The following DMD variants were observed in gnomAD, a reference collection of about 807,000 sequenced individuals.
DMD encodes mutant dystrophin.
Under a neutral mutation model 330.1 loss-of-function variants are expected in DMD, and 63 were observed. The observed-to-expected ratio is 0.19, with a 90% confidence interval of 0.16 to 0.24. The LOEUF (loss-of-function observed/expected upper bound fraction) is 0.24. DMD is among the 10% of genes least tolerant of loss of function. The pLI is 1.00. For synonymous variants in DMD, 1,223 were observed against 959.8 expected (o/e 1.27, Z -5.07); for missense variants, 3,344 against 2,684.1 (o/e 1.25, Z -5.43).
intron 1 of DMD, among the ~76,000 whole-genome samples, chrX:33,108,686 G>T (rs1230114838): frequency 2.0e-5 from 2 of 101,838 alleles, no homozygotes; most frequent in South Asian, 1.1e-3. Flanking sequence ...GACCAGCCTG[G>T]CCAACATGGT....
chrX:32,794,036 G>A (rs1371324166), intron 7 of DMD, among the ~76,000 whole-genome samples: 1 of 111,396 alleles, frequency 9.0e-6, no homozygotes, highest in Non-Finnish European at 1.9e-5. Context: ...ATATTATCAA[G>A]TGGAATTTAT....
intron 59 of DMD, among the ~76,000 whole-genome samples, chrX:31,451,407 T>C (rs1309777899): frequency 9.4e-6 from 1 of 106,873 alleles, no homozygotes; most frequent in African/African-American, 3.4e-5. Flanking sequence ...CTCAGCCTCC[T>C]GAGTAGCTGG....
intron 60 of DMD, among the ~76,000 whole-genome samples, chrX:31,420,533 T>C (rs988286741): frequency 2.7e-5 from 3 of 112,556 alleles, no homozygotes; most frequent in Non-Finnish European, 5.6e-5. Context: ...TTTTTTTTAA[T>C]CACCCTTATA....
At chrX:31,957,128 C>T (rs986414186) in intron 45 of DMD, among the ~76,000 whole-genome samples, 3 of 111,357 alleles carry the variant, frequency 2.7e-5, no homozygotes, top group Non-Finnish European at 5.7e-5. Context: ...TCCAAGAGTT[C>T]GAGATCCAAT....
rs193089158 is a variant in DMD, at chrX:32,707,147, C to A, written c.650-7854G>T. ...ATATGAGACACAGAAAAATATACTC[C>A]ACAAACGTTTATTGAGTTACTTTGT... On this transcript the variant is annotated intron_variant, in intron 7 of 78. Coordinates refer to ENST00000357033, the MANE Select transcript of DMD (RefSeq NM_004006.3). 6.4e-3 allele frequency among the ~76,000 whole-genome samples: 713 copies of A among 111,535 alleles called. 10 individuals carry two copies. The highest frequency in any genetic ancestry group is 0.022 in the African/African-American group (664 of 30,709).
At chrX:31,574,625 G>A (rs1485132638) in intron 55 of DMD, among the ~76,000 whole-genome samples, 1 of 111,432 alleles carries the variant, frequency 9.0e-6, no homozygotes, top group African/African-American at 3.3e-5. Flanking sequence ...CACCACCAAA[G>A]TGAAATGCAC....
intron 55 of DMD, among the ~76,000 whole-genome samples, chrX:31,511,329 TTTATTTA>T (rs1230022976): frequency 2.1e-4 from 19 of 89,232 alleles, no homozygotes; most frequent in African/African-American, 4.6e-4. Flanking sequence ...TATTTATTTA[TTTATTTA>T]TTATTATTAT....
intron 2 of DMD, among the ~76,000 whole-genome samples, chrX:33,009,216 A>G (rs2093515448): frequency 1.9e-5 from 1 of 52,705 alleles, no homozygotes; most frequent in Non-Finnish European, 3.6e-5. Flanking sequence ...ATATACACAT[A>G]TGTGCATATA....
intron 67 of DMD, among the ~76,000 whole-genome samples, chrX:31,191,387 A>G (rs1358690145): frequency 9.0e-6 from 1 of 111,710 alleles, no homozygotes; most frequent in Non-Finnish European, 1.9e-5. Context: ...AAAAAGGGTA[A>G]TCTCTCCTTT....
intron 5 of DMD, among the ~76,000 whole-genome samples, chrX:32,818,986 C>A (rs1437323233): frequency 9.6e-6 from 1 of 104,552 alleles, no homozygotes; most frequent in African/African-American, 3.5e-5. Flanking sequence ...ACTCCTGTCA[C>A]CTCTGCCCTT....
In DMD at chrX:32,650,485, G is replaced by A. The variant is rs1002127741; in HGVS notation, c.961-5333C>T. Among the ~76,000 whole-genome samples, 4 of 111,417 alleles carry A rather than the reference G, an allele frequency of 3.6e-5. No homozygotes were observed. The East Asian group carries it at 8.5e-4, about 24-fold the overall frequency. Reference sequence around the variant, plus strand: ...AAGGATTACAGAGGGATAACCAAGCGGTTCTTTCACTAAATAACAGAAGAG... The same window carrying A: ...AAGGATTACAGAGGGATAACCAAGCAGTTCTTTCACTAAATAACAGAAGAG... On this transcript the variant is annotated intron_variant, in intron 9 of 78. Coordinates refer to ENST00000357033, the MANE Select transcript of DMD (RefSeq NM_004006.3).
At chrX:32,552,674 C>T (rs2049713118) in intron 16 of DMD, among the ~76,000 whole-genome samples, 2 of 112,152 alleles carry the variant, frequency 1.8e-5, no homozygotes, top group African/African-American at 6.5e-5. Flanking sequence ...AACTTTCCAT[C>T]TGACAAGGGT....
At chrX:32,434,933 T>C (rs1470761715) in intron 29 of DMD, among the ~76,000 whole-genome samples, 1 of 111,017 alleles carries the variant, frequency 9.0e-6, no homozygotes, top group Non-Finnish European at 1.9e-5. Flanking sequence ...ATTTTCATTG[T>C]CAAATAACTC....
intron 1 of DMD, among the ~76,000 whole-genome samples, chrX:33,276,871 G>A (rs113513985): frequency 0.011 from 1,226 of 111,721 alleles, 20 homozygotes; most frequent in African/African-American, 0.038. Context: ...ACCCTTCACG[G>A]AGGCTCACTC....
chrX:31,616,003 A>C (rs2078178769), intron 55 of DMD, among the ~76,000 whole-genome samples: 1 of 111,806 alleles, frequency 8.9e-6, no homozygotes, highest in Non-Finnish European at 1.9e-5. Flanking sequence ...CCCTCACAAC[A>C]ACCTGAAGAG....
At chrX:31,928,964 G>T (rs1324570404) in intron 47 of DMD, among the ~76,000 whole-genome samples, 1 of 111,711 alleles carries the variant, frequency 9.0e-6, no homozygotes, top group Non-Finnish European at 1.9e-5. Flanking sequence ...ATACAGTGGG[G>T]AAATGATTGT....
chrX:32,529,145 T>G (rs1331921990), intron 17 of DMD, among the ~76,000 whole-genome samples: 1 of 106,344 alleles, frequency 9.4e-6, no homozygotes. Flanking sequence ...CAGGATGGTC[T>G]CGATCTCCTG....
At chrX:33,108,414 T>C (rs1431857536) in intron 1 of DMD, among the ~76,000 whole-genome samples, 1 of 110,210 alleles carries the variant, frequency 9.1e-6, no homozygotes. Flanking sequence ...ATTAAAGGCA[T>C]GTGCCACCAG....
chrX:31,270,941 G>C (rs764633084), intron 62 of DMD, among the ~76,000 whole-genome samples: 1 of 111,827 alleles, frequency 8.9e-6, no homozygotes, highest in Non-Finnish European at 1.9e-5. Flanking sequence ...GAATGGAAGA[G>C]AGGGAAGAAG....
Sources: gnomAD v4.1 joint callset for allele counts (sites outside exome capture counted in the v4.1 genomes callset) on GRCh38, gnomAD v4.1.1 for gene constraint, MANE v1.5 for transcripts, NCBI Gene and HGNC (gene_info 2026-07-23, HGNC 2026-07-21) for gene names.